Variants in TBL1XR1 observed in about 807,000 individuals in gnomAD.
TBL1XR1 encodes F-box-like/WD repeat-containing protein TBL1XR1.
Under a neutral mutation model 66.9 loss-of-function variants are expected in TBL1XR1, and 5 were observed. The observed-to-expected ratio is 0.07, with a 90% CI of 0.04 to 0.16. TBL1XR1 has a LOEUF of 0.16. TBL1XR1 is among the 10% of genes least tolerant of loss of function. The pLI is 1.00. For synonymous variants in TBL1XR1, 210 were observed against 206.0 expected, an observed-to-expected ratio of 1.02 and a Z score of -0.17; for missense variants, 238 against 623.2, an observed-to-expected ratio of 0.38 and a Z score of 6.58.
chr3:177,041,054 C>CA (rs1715512328), intron 10 of TBL1XR1: 1 of 152,154 alleles, frequency 6.6e-6, no homozygotes, highest in Admixed American at 6.5e-5. Flanking sequence ...ACAAAGTAAA[C>CA]ATAGTCAAAA....
chr3:177,049,092 A>G (rs1322359337), intron 7 of TBL1XR1, among the ~76,000 whole-genome samples: 1 of 152,232 alleles, frequency 6.6e-6, no homozygotes, highest in East Asian at 1.9e-4. Context: ...AGAAAATGCT[A>G]AAAATACCTA....
upstream of TBL1XR1, among the ~76,000 whole-genome samples, chr3:177,200,664 GA>G (rs1366514967): frequency 4.6e-5 from 7 of 152,190 alleles, no homozygotes; most frequent in African/African-American, 1.7e-4. Flanking sequence ...TGTGTTTCTA[GA>G]AAGGAGATAT....
intron 2 of TBL1XR1, among the ~76,000 whole-genome samples, chr3:177,068,013 G>C (rs1379446698): frequency 6.6e-6 from 1 of 152,054 alleles, no homozygotes; most frequent in Non-Finnish European, 1.5e-5. Flanking sequence ...TTTAAACTAG[G>C]TCACAAAACA....
intron 2 of TBL1XR1, among the ~76,000 whole-genome samples, chr3:177,066,824 G>A (rs1267825422): frequency 6.6e-6 from 1 of 152,166 alleles, no homozygotes. Context: ...CAACTGAACG[G>A]TTGGTACTGT....
rs1353932590 is a variant in TBL1XR1, at chr3:177,038,187, A to G, written c.1048-15T>C. 5 of 1,612,228 alleles carry G rather than the reference A, an allele frequency of 3.1e-6. No homozygotes were observed. The highest frequency in any genetic ancestry group is 4.2e-6 in the Non-Finnish European group (5 of 1,178,780). On this transcript the variant is annotated splice_polypyrimidine_tract_variant and intron_variant, in intron 11 of 15. Coordinates refer to ENST00000457928, the MANE Select transcript of TBL1XR1 (RefSeq NM_024665.7). ...TTTACTTCATTCTAAAAATAATAGT[A>G]AATATTCACATTTTCATTGTATAGA...
At chr3:177,140,250 AGATGGAGCCACTGCACTCCAGCCTGGGT>A (rs1246552734) in intron 1 of TBL1XR1, among the ~76,000 whole-genome samples, 1 of 152,224 alleles carries the variant, frequency 6.6e-6, no homozygotes, top group Non-Finnish European at 1.5e-5. Flanking sequence ...CAGTGAGCCA[AGATGGAGCCACTGCACTCCAGCCTGGGT>A]GACGGAGTGA....
intron 3 of TBL1XR1, among the ~76,000 whole-genome samples, chr3:177,057,098 T>G (rs1204102809): frequency 6.6e-6 from 1 of 152,222 alleles, no homozygotes; most frequent in African/African-American, 2.4e-5. Context: ...CAGTCTCATC[T>G]CAATACTACA....
At chr3:177,102,418 A>G (rs935584617) in intron 1 of TBL1XR1, among the ~76,000 whole-genome samples, 3 of 152,208 alleles carry the variant, frequency 2.0e-5, no homozygotes, top group African/African-American at 7.2e-5. Flanking sequence ...TTTCCTAGTC[A>G]ACTCATTTAC....
chr3:177,049,002 T>C (rs1463744580), intron 7 of TBL1XR1, among the ~76,000 whole-genome samples: 1 of 152,224 alleles, frequency 6.6e-6, no homozygotes, highest in African/African-American at 2.4e-5. Flanking sequence ...TAAATAATAC[T>C]ACAATGTGCT....
intron 1 of TBL1XR1, among the ~76,000 whole-genome samples, chr3:177,103,274 A>G (rs1226920209): frequency 6.6e-6 from 1 of 152,220 alleles, no homozygotes; most frequent in African/African-American, 2.4e-5. Context: ...GTACATGATC[A>G]ATCACATTAT....
At position 177,174,635 on chromosome 3, in the gene TBL1XR1, T is replaced by C. The variant is rs12634124; in HGVS notation, c.-122+22486A>G. The stretch of plus-strand genomic sequence containing the variant: ...GACCCGGATGCTTAGCTCTTTTCAA[T>C]ACCACTCTCTTATGAATCTCCAATT... On this transcript the variant is annotated intron_variant, in intron 1 of 15. Coordinates refer to ENST00000457928, the MANE Select transcript of TBL1XR1 (RefSeq NM_024665.7). 0.048 allele frequency among the ~76,000 whole-genome samples: 7,289 copies of C among 152,170 alleles called. 778 individuals are homozygous for C. In the East Asian group the frequency reaches 0.49, roughly 10 times the overall value.
At chr3:177,186,096 G>A (rs1735372163) in intron 1 of TBL1XR1, among the ~76,000 whole-genome samples, 1 of 152,136 alleles carries the variant, frequency 6.6e-6, no homozygotes, top group Non-Finnish European at 1.5e-5. Context: ...TCTGCCAGCA[G>A]GACACAAGGA....
At chr3:177,200,158 G>A (rs1384377055), upstream of TBL1XR1, among the ~76,000 whole-genome samples, 1 of 152,134 alleles carries the variant, frequency 6.6e-6, no homozygotes, top group Admixed American at 6.5e-5. Flanking sequence ...TTTTAGTAGA[G>A]ATGGGGTTTC....
intron 2 of TBL1XR1, among the ~76,000 whole-genome samples, chr3:177,086,672 A>T (rs1722164317): frequency 6.6e-6 from 1 of 152,140 alleles, no homozygotes. Flanking sequence ...TAACAACTTT[A>T]CATGGTTATA....
At chr3:177,109,502 GGAAA>G (rs2108712647) in intron 1 of TBL1XR1, among the ~76,000 whole-genome samples, 1 of 152,090 alleles carries the variant, frequency 6.6e-6, no homozygotes, top group East Asian at 1.9e-4. Context: ...GAAGAGGTGG[GGAAA>G]GAAAGGAAGA....
At chr3:177,194,128 C>G (rs555607504) in intron 1 of TBL1XR1, 1 of 152,196 alleles carries the variant, frequency 6.6e-6, no homozygotes, top group African/African-American at 2.4e-5. Flanking sequence ...AGAGTCTTTT[C>G]TTTTTAACTT....
chr3:177,089,049 C>CA (rs2074242349), intron 2 of TBL1XR1, among the ~76,000 whole-genome samples: 1 of 152,178 alleles, frequency 6.6e-6, no homozygotes, highest in African/African-American at 2.4e-5. Flanking sequence ...GGCAGGGTCA[C>CA]AACTCCTTGG....
chr3:177,080,189 C>T (rs1452970738), intron 2 of TBL1XR1, among the ~76,000 whole-genome samples: 3 of 152,190 alleles, frequency 2.0e-5, no homozygotes, highest in Middle Eastern at 3.2e-3. Flanking sequence ...AAAGCAATTG[C>T]TTTCTAACTT....
At chr3:177,142,670 T>A (rs1729766204) in intron 1 of TBL1XR1, among the ~76,000 whole-genome samples, 1 of 152,106 alleles carries the variant, frequency 6.6e-6, no homozygotes, top group East Asian at 1.9e-4. Context: ...TATGTCTATT[T>A]ACGATTAAAA....
Sources: gnomAD v4.1 joint callset for allele counts (sites outside exome capture counted in the v4.1 genomes callset) on GRCh38, gnomAD v4.1.1 for gene constraint, MANE v1.5 for transcripts, NCBI Gene and HGNC (gene_info 2026-07-23, HGNC 2026-07-21) for gene names.